Variants in IL1RAPL2 observed in about 807,000 individuals in gnomAD.
The protein encoded by IL1RAPL2 is interleukin 1 receptor accessory protein like 2, also known as X-linked interleukin-1 receptor accessory protein-like 2.
IL1RAPL2 carries 3 observed loss-of-function variants against 44.1 expected under a neutral mutation model. The observed-to-expected ratio is 0.07, with a 90% CI of 0.03 to 0.18. IL1RAPL2 has a LOEUF of 0.18. Among genes scored for constraint, IL1RAPL2 ranks in the 10% least tolerant of loss-of-function variants. The pLI, the probability that IL1RAPL2 is intolerant of heterozygous loss-of-function variation, is 1.00. For synonymous variants in IL1RAPL2, 181 were observed against 178.8 expected, an observed-to-expected ratio of 1.01 and a Z score of -0.10; for missense variants, 391 against 496.4, an observed-to-expected ratio of 0.79 and a Z score of 2.02.
chrX:104,646,230 T>A (rs1930037768), intron 1 of IL1RAPL2, among the ~76,000 whole-genome samples: 1 of 110,443 alleles, frequency 9.1e-6, no homozygotes, highest in South Asian at 3.9e-4. Flanking sequence ...TAGGGATTAA[T>A]ATAAATCTAT....
chrX:104,591,971 C>A (rs1046777632), intron 1 of IL1RAPL2, among the ~76,000 whole-genome samples: 3 of 109,755 alleles, frequency 2.7e-5, no homozygotes, highest in African/African-American at 9.9e-5. Context: ...AAGAATGAGA[C>A]CAGATAATAT....
At chrX:104,791,011 C>G (rs934491255) in intron 2 of IL1RAPL2, among the ~76,000 whole-genome samples, 1 of 111,582 alleles carries the variant, frequency 9.0e-6, no homozygotes, top group Non-Finnish European at 1.9e-5. Context: ...TCATAACAAC[C>G]CTATGAGATG....
At chrX:104,866,345 T>A (rs1569329362) in intron 2 of IL1RAPL2, among the ~76,000 whole-genome samples, 1 of 111,960 alleles carries the variant, frequency 8.9e-6, no homozygotes, top group Non-Finnish European at 1.9e-5. Context: ...TTTTCTTTGT[T>A]AAATTTTAAA....
chrX:104,884,048 G>A (rs1036036818), intron 2 of IL1RAPL2, among the ~76,000 whole-genome samples: 1 of 111,792 alleles, frequency 8.9e-6, no homozygotes, highest in Non-Finnish European at 1.9e-5. Context: ...TTTCGAGAAT[G>A]CATCAGTAAG....
chrX:105,137,074 G>A (rs953476738), intron 2 of IL1RAPL2, among the ~76,000 whole-genome samples: 1 of 111,603 alleles, frequency 9.0e-6, no homozygotes, highest in Non-Finnish European at 1.9e-5. Context: ...CTTATGAGAA[G>A]AGAATCTTGA....
intron 6 of IL1RAPL2, among the ~76,000 whole-genome samples, chrX:105,698,961 T>C (rs1473355540): frequency 9.0e-6 from 1 of 111,402 alleles, no homozygotes; most frequent in Non-Finnish European, 1.9e-5. Context: ...ATTACGAAGT[T>C]GTCATATGAA....
chrX:105,065,326 C>T (rs1299616185), intron 2 of IL1RAPL2, among the ~76,000 whole-genome samples: 1 of 111,541 alleles, frequency 9.0e-6, no homozygotes, highest in Non-Finnish European at 1.9e-5. Context: ...GTTACAAAAA[C>T]GTCTCCTGGG....
At chrX:104,600,434 A>G (rs1928858544) in intron 1 of IL1RAPL2, among the ~76,000 whole-genome samples, 1 of 111,703 alleles carries the variant, frequency 9.0e-6, no homozygotes, top group African/African-American at 3.3e-5. Flanking sequence ...TTAATATTCT[A>G]TTTCATTACA....
intron 6 of IL1RAPL2, among the ~76,000 whole-genome samples, chrX:105,705,546 C>T (rs1373850877): frequency 1.8e-5 from 2 of 110,874 alleles, no homozygotes; most frequent in African/African-American, 6.6e-5. Context: ...GAACAATTGA[C>T]TTTGAGATAT....
intron 6 of IL1RAPL2, among the ~76,000 whole-genome samples, chrX:105,505,915 A>T (rs985348244): frequency 8.9e-6 from 1 of 111,879 alleles, no homozygotes; most frequent in Non-Finnish European, 1.9e-5. Flanking sequence ...AAGGCAATTC[A>T]GTCTAAGGTA....
At chrX:105,003,565 T>C (rs1312986463) in intron 2 of IL1RAPL2, among the ~76,000 whole-genome samples, 6 of 111,020 alleles carry the variant, frequency 5.4e-5, no homozygotes, top group Non-Finnish European at 9.5e-5. Flanking sequence ...TTATCCTCTG[T>C]GTATTTTTGC....
rs144740557 is a variant in IL1RAPL2, at chrX:105,450,968, T to C, written c.698-33345T>C. ...GTTTACTGCTCTGTTAGAATTATGA[T>C]TGTTAGTGTTGATATGAGGGTTTTT... On this transcript the variant is annotated intron_variant, in intron 5 of 10. Coordinates refer to ENST00000372582, the MANE Select transcript of IL1RAPL2 (RefSeq NM_017416.2). Among the ~76,000 whole-genome samples, 588 of 106,782 alleles carry C rather than the reference T, an allele frequency of 5.5e-3. 5 individuals carry two copies. Among genetic ancestry groups the C allele is most frequent in the African/African-American group, 0.019 (549 of 28,890 alleles). 92.7% of individuals were successfully genotyped at this position (106,782 alleles called of 115,157 possible).
intron 2 of IL1RAPL2, among the ~76,000 whole-genome samples, chrX:104,908,775 T>A (rs548954641): frequency 3.7e-5 from 4 of 107,186 alleles, no homozygotes; most frequent in Admixed American, 1.0e-4. Context: ...TCTGACAATT[T>A]TGTGTCTTGG....
intron 2 of IL1RAPL2, among the ~76,000 whole-genome samples, chrX:104,756,915 AAT>A (rs1932349653): frequency 9.1e-6 from 1 of 110,051 alleles, no homozygotes; most frequent in South Asian, 3.9e-4. Context: ...GAGGAGAAGC[AAT>A]GAGGCCAGTG....
At chrX:105,014,302 A>G (rs753615473) in intron 2 of IL1RAPL2, among the ~76,000 whole-genome samples, 12 of 109,791 alleles carry the variant, frequency 1.1e-4, no homozygotes, top group African/African-American at 4.1e-4. Flanking sequence ...GTTCCAAGCT[A>G]AGGTTCTCTT....
chrX:104,626,966 G>C (rs370475541), intron 1 of IL1RAPL2, among the ~76,000 whole-genome samples: 2 of 108,771 alleles, frequency 1.8e-5, no homozygotes, highest in Non-Finnish European at 3.8e-5. Context: ...CTACAGGCAC[G>C]CACCAACACA....
At chrX:105,660,313 CCAGA>C (rs1169030297) in intron 6 of IL1RAPL2, among the ~76,000 whole-genome samples, 2 of 110,788 alleles carry the variant, frequency 1.8e-5, no homozygotes, top group East Asian at 5.7e-4. Flanking sequence ...TAATACTTTC[CCAGA>C]CAAACAAAAG....
intron 2 of IL1RAPL2, among the ~76,000 whole-genome samples, chrX:104,775,174 A>T (rs1454629010): frequency 8.9e-6 from 1 of 112,537 alleles, no homozygotes; most frequent in Non-Finnish European, 1.9e-5. Context: ...ACCATCTTAA[A>T]GCTACGTTCC....
At chrX:104,769,337 A>G (rs1472290871) in intron 2 of IL1RAPL2, among the ~76,000 whole-genome samples, 2 of 111,544 alleles carry the variant, frequency 1.8e-5, no homozygotes, top group Non-Finnish European at 3.8e-5. Context: ...TGCTCAATCC[A>G]GTAAATATAT....
Sources: gnomAD v4.1 joint callset for allele counts (sites outside exome capture counted in the v4.1 genomes callset) on GRCh38, gnomAD v4.1.1 for gene constraint, MANE v1.5 for transcripts, NCBI Gene and HGNC (gene_info 2026-07-23, HGNC 2026-07-21) for gene names.